The following RNF40 variants were observed in gnomAD, a reference collection of about 807,000 sequenced individuals.
The protein encoded by RNF40 is ring finger protein 40.
RNF40 carries 39 observed loss-of-function variants against 123.3 expected under a neutral mutation model. The observed-to-expected ratio is 0.32, with a 90% CI of 0.24 to 0.41. The LOEUF (loss-of-function observed/expected upper bound fraction) is 0.41. Among genes scored for constraint, RNF40 ranks in the 10% least tolerant of loss-of-function variants. RNF40 has a pLI of 1.00. For synonymous variants in RNF40, 538 were observed against 526.0 expected (o/e 1.02, Z -0.31); for missense variants, 1,003 against 1,319.9 (o/e 0.76, Z 3.72).
Position 30,768,767 on chromosome 16 carries a change from A to C in RNF40, c.2097+31A>C. 1 of 1,613,878 alleles carries C rather than the reference A, an allele frequency of 6.2e-7. No individual in the cohort carries two copies. Among genetic ancestry groups the C allele is most frequent in the Non-Finnish European group, 8.5e-7 (1 of 1,179,970 alleles). On this transcript the variant is annotated intron_variant, in intron 14 of 19. Coordinates refer to ENST00000324685, the MANE Select transcript of RNF40 (RefSeq NM_014771.4). The surrounding 1 kb of genome is among the most constrained non-coding windows in gnomAD (Gnocchi z 4.1). ...GGCAGCTGGGGCTTGTGGGGCATTCAGAAAGGCAGAGCAGAGTCCTAGCTC... is the reference window on the plus strand; with the variant it reads ...GGCAGCTGGGGCTTGTGGGGCATTCCGAAAGGCAGAGCAGAGTCCTAGCTC...
intron 17 of RNF40, among the ~76,000 whole-genome samples, chr16:30,770,301 A>G (rs551953431): frequency 1.3e-4 from 19 of 151,682 alleles, no homozygotes; most frequent in Middle Eastern, 3.4e-3. Context: ...TAGTAGAGAC[A>G]GGGTTTCGCC....
intron 5 of RNF40, 91 bp downstream of exon 5, chr16:30,764,476 A>G: frequency 5.2e-6 from 6 of 1,143,326 alleles, no homozygotes; most frequent in African/African-American, 1.5e-5. Flanking sequence ...CCCGAGTCCA[A>G]GGGCGGCCAG....
rs11556800 is a variant in RNF40 at position 30,768,450 on chromosome 16, G to A, written c.1899G>A (p.Arg633=). Residue 633 remains arginine (R), a synonymous_variant, in exon 13 of 20, where the codon AGG becomes AGA. Coordinates refer to ENST00000324685, the MANE Select transcript of RNF40 (RefSeq NM_014771.4). This position sits in a 1 kb window ranked among gnomAD's most constrained non-coding sequence, Gnocchi z 4.1. ...CACCTGTAGCCTCCGCTCTCTCAAG[G>A]GCTGATCGGGAGAAGGCCAAGGTGG... ...GPPPVASALS[R]ADREKAKVEE... 20 of 1,612,808 alleles carry A rather than the reference G, an allele frequency of 1.2e-5. No homozygotes were observed. Among genetic ancestry groups the A allele is most frequent in the East Asian group, 2.2e-5 (1 of 44,872 alleles).
rs2054160631 is a variant in RNF40 at position 30,772,207 on chromosome 16, A to G, written c.2829+17A>G. The stretch of plus-strand genomic sequence containing the variant: ...GAGTACAAGGTGGGGCTGTGGGCCA[A>G]GTTGTGCCCTATCCACCTGAGAATT... On this transcript the variant is annotated intron_variant, in intron 19 of 19. Coordinates refer to ENST00000324685, the MANE Select transcript of RNF40 (RefSeq NM_014771.4). The G allele has an allele frequency of 1.3e-6, 2 of 1,536,342 alleles. No homozygotes were observed. The highest frequency in any genetic ancestry group is 1.4e-5 in the African/African-American group (1 of 72,706).
intron 17 of RNF40, among the ~76,000 whole-genome samples, chr16:30,771,208 C>G (rs1352627604): frequency 6.6e-6 from 1 of 152,012 alleles, no homozygotes. Flanking sequence ...GAGGTGCTGT[C>G]AAAGAAAAAT....
chr16:30,770,042 C>T (rs1313167506), intron 17 of RNF40, among the ~76,000 whole-genome samples: 1 of 151,250 alleles, frequency 6.6e-6, no homozygotes, highest in Non-Finnish European at 1.5e-5. Context: ...GTTGAGGCTG[C>T]AGTGAGCTAT....
At chr16:30,762,783 T>G (rs983468784) in intron 2 of RNF40, 106 bp downstream of exon 2, 6 of 1,428,156 alleles carry the variant, frequency 4.2e-6, no homozygotes, top group African/African-American at 2.9e-5. Flanking sequence ...TTTAGCAAGG[T>G]CCGCGTTACA....
At chr16:30,761,736 T>TG, upstream of RNF40, 4 of 1,524,978 alleles carry the variant, frequency 2.6e-6, no homozygotes, top group South Asian at 3.6e-5. Context: ...TGGCTGGTCT[T>TG]GCGGTTGAGC....
At position 30,768,878 on chromosome 16, in the gene RNF40, G is replaced by C; in HGVS notation, c.2138G>C (p.Arg713Thr). 1 of 1,614,258 alleles carries C rather than the reference G, an allele frequency of 6.2e-7. No individual in the cohort carries two copies. ...AGCCGCATCCGGGAATTGGAGGAGA[G>C]GGATCGAAGGGAGAGCAAGAAGATC... ...LRSRIRELEE[R>T]DRRESKKIAD... Residue 713 changes from arginine to threonine, a missense_variant, in exon 15 of 20, where the codon AGG becomes ACG. By Grantham distance (71) the Arg-to-Thr change is moderately conservative. Around this residue, in one of 11 missense-constraint regions of RNF40, gnomAD observed 295 missense variants for 331.7 expected, o/e 0.89. Coordinates refer to ENST00000324685, the MANE Select transcript of RNF40 (RefSeq NM_014771.4). This position sits in a 1 kb window ranked among gnomAD's most constrained non-coding sequence, Gnocchi z 4.1.
chr16:30,762,328 C>T lies in RNF40; in HGVS notation c.-104C>T, dbSNP rs900995287. ...ACGCCCAGTGACGTCCGGTGAAATCCAAGATGGCGGCGCTAGGCTGACCCT... is the reference window on the plus strand; with the variant it reads ...ACGCCCAGTGACGTCCGGTGAAATCTAAGATGGCGGCGCTAGGCTGACCCT... On this transcript the variant is annotated 5_prime_UTR_variant, in exon 1 of 20. Coordinates refer to ENST00000324685, the MANE Select transcript of RNF40 (RefSeq NM_014771.4). The T allele has an allele frequency of 1.9e-6, 1 of 516,304 alleles. No homozygotes were observed. The highest frequency in any genetic ancestry group is 2.0e-5 in the African/African-American group (1 of 49,494). The allele number at this position is 516,304 out of a possible 1,614,324, so 32.0% of individuals were successfully genotyped here. A position where few individuals can be genotyped will look rare whatever the true frequency, so the allele number is the denominator to read the frequency against.
At position 30,774,275 on chromosome 16, in the gene RNF40, C is replaced by A; in HGVS notation, c.*161C>A. On this transcript the variant is annotated 3_prime_UTR_variant, in exon 20 of 20. Transcript: ENST00000324685. ...GGGGACCCTGGTGCATGCTAGTGGG[C>A]ATGGGATCAGCCAAGCTTCGTTCCA... is the stretch of plus-strand genomic sequence containing the variant. 1 of 675,526 alleles carries A rather than the reference C, an allele frequency of 1.5e-6. No homozygotes were observed. The highest frequency in any genetic ancestry group is 2.4e-6 in the Non-Finnish European group (1 of 409,978). The allele number at this position is 675,526 out of a possible 1,614,324, so 41.8% of individuals were successfully genotyped here.
At position 30,769,618 on chromosome 16, in the gene RNF40, G is replaced by A. The variant is rs1261330172; in HGVS notation, c.2586+18G>A. ...AGCGGAAGGTGAGGCTGGGCCAGGG[G>A]GACACACAGCTTGGGCTGCTGGCTC... On this transcript the variant is annotated intron_variant, in intron 17 of 19. Coordinates refer to ENST00000324685, the MANE Select transcript of RNF40 (RefSeq NM_014771.4). The A allele has an allele frequency of 6.5e-7, 1 of 1,528,288 alleles. No homozygotes were observed. 94.7% of individuals were successfully genotyped at this position (1,528,288 alleles called of 1,614,324 possible).
intron 8 of RNF40, among the ~76,000 whole-genome samples, chr16:30,765,768 T>C (rs1393625049): frequency 2.6e-5 from 4 of 152,278 alleles, no homozygotes; most frequent in Admixed American, 6.5e-5. Context: ...TAGGTTCTAC[T>C]TGTGGTAACA....
chr16:30,767,499 T>TA lies in RNF40; in HGVS notation c.1430-383dup, dbSNP rs879532090. Among the ~76,000 whole-genome samples the TA allele has an allele frequency of 1.7e-3, 229 of 137,470 alleles. 1 individual carries two copies. The highest frequency in any genetic ancestry group is 4.2e-3 in the African/African-American group (157 of 37,242). The allele number at this position is 137,470 out of a possible 152,430, so 90.2% of individuals were successfully genotyped here. A position where few individuals can be genotyped will look rare whatever the true frequency, so the allele number is the denominator to read the frequency against. On this transcript the variant is annotated intron_variant, in intron 11 of 19. Transcript: ENST00000324685. ...TCTCTATTAAAGGGAATTGGATGTA[T>TA]AAAAAAAAAAAAGAAAAAACCTAGG...
At position 30,765,004 on chromosome 16, in the gene RNF40, G is replaced by T; in HGVS notation, c.716G>T (p.Arg239Leu). 6.2e-7 allele frequency: 1 copy of T among 1,613,856 alleles called. No homozygotes were observed. Among genetic ancestry groups the T allele is most frequent in the Non-Finnish European group, 8.5e-7 (1 of 1,180,028 alleles). Residue 239 changes from arginine to leucine, a missense_variant, in exon 6 of 20, where the codon CGA (arginine) becomes CTA (leucine). Coordinates refer to ENST00000324685, the MANE Select transcript of RNF40 (RefSeq NM_014771.4). ...CGAGAGCTGGGCCGTGAGAACCGGC[G>T]ACTGCAGGACTTGGCCACTCAGCTG... ...HTRELGRENR[R>L]LQDLATQLQE...
chr16:30,772,403 G>A (rs1157607117), intron 19 of RNF40: 2 of 637,804 alleles, frequency 3.1e-6, no homozygotes, highest in Non-Finnish European at 5.8e-6. Context: ...CTAGGAACTG[G>A]CCCTGGTCTC....
chr16:30,765,571 C>T, intron 8 of RNF40, 72 bp downstream of exon 8: 2 of 1,384,104 alleles, frequency 1.4e-6, no homozygotes, highest in South Asian at 1.2e-5. Context: ...CCCCTCAGGA[C>T]AAAGGACAAA....
At chr16:30,767,015 T>C in intron 11 of RNF40, 139 bp downstream of exon 11, 3 of 1,147,704 alleles carry the variant, frequency 2.6e-6, no homozygotes, top group Non-Finnish European at 3.6e-6. Flanking sequence ...AAACAGGGCC[T>C]GCACTGCTTG....
At chr16:30,770,935 C>A (rs1197520287) in intron 17 of RNF40, among the ~76,000 whole-genome samples, 1 of 152,160 alleles carries the variant, frequency 6.6e-6, no homozygotes, top group East Asian at 1.9e-4. Flanking sequence ...TGGTCTCAAA[C>A]TCCTGACATC....
Sources: allele counts gnomAD v4.1 joint callset (sites outside exome capture counted in the v4.1 genomes callset), GRCh38; gene constraint gnomAD v4.1.1; regional missense constraint gnomAD v4.1.1; non-coding constraint Gnocchi (gnomAD v3.1); transcripts MANE v1.5; gene names NCBI Gene and HGNC (gene_info 2026-07-23, HGNC 2026-07-21).